NBPF6: variants seen among roughly 807,000 people sequenced by gnomAD.
NBPF6 encodes the protein NBPF member 6.
Under a neutral mutation model 20.8 loss-of-function variants are expected in NBPF6, and 2 were observed. That is an observed-to-expected ratio of 0.10 (90% CI 0.04 to 0.30). The LOEUF (loss-of-function observed/expected upper bound fraction) is 0.30. Ranked by LOEUF, NBPF6 falls within the 10% of genes least tolerant of loss-of-function variation. The probability of loss-of-function intolerance (pLI) is 1.00; values close to 1 mark genes in which losing one functional copy is unlikely to be tolerated. For synonymous variants in NBPF6, 24 were observed against 100.0 expected (o/e 0.24, Z 4.53); for missense variants, 85 against 260.3 (o/e 0.33, Z 4.63).
chr1:108,436,438 T>G, the NBPF6 span, among the ~76,000 whole-genome samples: 1 of 90,298 alleles, frequency 1.1e-5, no homozygotes, highest in Middle Eastern at 5.0e-3. Flanking sequence ...TGGTGAAACC[T>G]CGTCTCTACT....
At position 108,467,617 on chromosome 1, in the gene NBPF6, G is replaced by A. The variant is rs1373120885; in HGVS notation, c.1827G>A (p.Lys609=). The change falls in exon 14 of 15, where the codon AAG becomes AAA. Residue 609 remains lysine (K), a synonymous_variant. Coordinates refer to ENST00000495380, the MANE Select transcript of NBPF6 (RefSeq NM_001143988.2). ...TCAGAAGAAGACTCCCGTTCAGCAA[G>A]TGGAGACTGGCATTCAGATTCGCTG... ...KTIRRRLPFS[K]WRLAFRFAGP... is the part of the protein sequence containing the mutation. 6.5e-7 allele frequency: 1 copy of A among 1,549,650 alleles called. No individual in the cohort carries two copies. Among genetic ancestry groups the A allele is most frequent in the African/African-American group, 1.4e-5 (1 of 72,724 alleles).
chr1:108,448,632 C>A (rs1652713428), upstream of NBPF6, among the ~76,000 whole-genome samples: 1 of 105,216 alleles, frequency 9.5e-6, no homozygotes, highest in Non-Finnish European at 2.1e-5. Context: ...GATTTGCTAT[C>A]CCTCTTCTTC....
upstream of NBPF6, among the ~76,000 whole-genome samples, chr1:108,447,437 A>C (rs1454369089): frequency 6.9e-6 from 1 of 145,448 alleles, no homozygotes; most frequent in Non-Finnish European, 1.5e-5. Context: ...ATGGGTAAAC[A>C]AGGAACTCTT....
chr1:108,451,902 G>A (rs1205627502), intron 2 of NBPF6, among the ~76,000 whole-genome samples: 14 of 33,160 alleles, frequency 4.2e-4, no homozygotes, highest in African/African-American at 8.2e-4. Flanking sequence ...AGGATTCAGA[G>A]TCAGACCTCA....
At chr1:108,430,147 C>G in the NBPF6 span, among the ~76,000 whole-genome samples, 2 of 36,604 alleles carry the variant, frequency 5.5e-5, 1 homozygote, top group African/African-American at 1.1e-4. Flanking sequence ...AGGATTGCAA[C>G]CCCTGTTTTT....
chr1:108,436,613 AG>A, the NBPF6 span, among the ~76,000 whole-genome samples: 7 of 52,100 alleles, frequency 1.3e-4, no homozygotes, highest in East Asian at 9.8e-4. Flanking sequence ...AAAAAAAAAA[AG>A]AAAAGAAAAG....
chr1:108,438,436 A>G, the NBPF6 span, among the ~76,000 whole-genome samples: 3 of 100,120 alleles, frequency 3.0e-5, no homozygotes, highest in African/African-American at 9.5e-5. Context: ...TCTACTAAAA[A>G]TTAAAAAAAG....
At chr1:108,467,728 C>T (rs1480224460) in intron 14 of NBPF6, 63 bp downstream of exon 14, 7 of 1,537,114 alleles carry the variant, frequency 4.6e-6, no homozygotes, top group Middle Eastern at 1.7e-4. Flanking sequence ...GGTGACAGCT[C>T]ATTCTCTCAC....
Position 108,471,245 on chromosome 1 carries a change from A to G in NBPF6, c.*607A>G, listed in dbSNP as rs1466813001. On this transcript the variant is annotated 3_prime_UTR_variant, in exon 15 of 15. Coordinates refer to ENST00000495380, the MANE Select transcript of NBPF6 (RefSeq NM_001143988.2). The stretch of plus-strand genomic sequence containing the variant: ...TTTGTTGTTGTCATCGATGGTGGTG[A>G]CATGGACTTGTTTGTGGAGGACGGG... Among the ~76,000 whole-genome samples the G allele has an allele frequency of 6.6e-6, 1 of 152,218 alleles. No individual in the cohort carries two copies. Among genetic ancestry groups the G allele is most frequent in the Non-Finnish European group, 1.5e-5 (1 of 68,042 alleles).
upstream of NBPF6, among the ~76,000 whole-genome samples, chr1:108,448,063 A>C (rs530915915): frequency 3.2e-4 from 46 of 145,106 alleles, no homozygotes; most frequent in South Asian, 8.6e-4. Flanking sequence ...TTGTATCTAT[A>C]CATAAAATAT....
At chr1:108,435,051 C>G in the NBPF6 span, among the ~76,000 whole-genome samples, 2 of 96,550 alleles carry the variant, frequency 2.1e-5, 1 homozygote, top group East Asian at 6.4e-4. Flanking sequence ...TGTTTGTGAG[C>G]CATGTTTTAC....
upstream of NBPF6, among the ~76,000 whole-genome samples, chr1:108,449,458 A>C (rs1298154626): frequency 2.1e-4 from 2 of 9,648 alleles, no homozygotes; most frequent in African/African-American, 3.0e-4. Flanking sequence ...ATATATATAT[A>C]TATCTCCAAC....
At chr1:108,448,076 G>A (rs879992966), upstream of NBPF6, among the ~76,000 whole-genome samples, 5 of 143,550 alleles carry the variant, frequency 3.5e-5, no homozygotes, top group Non-Finnish European at 6.2e-5. Context: ...TAAAATATAT[G>A]TTGTATCTGA....
rs113460124 is a variant in NBPF6 at position 108,471,235 on chromosome 1, G to A, written c.*597G>A. Among the ~76,000 whole-genome samples, 18,434 of 152,222 alleles carry A rather than the reference G, an allele frequency of 0.12. 1,807 individuals carry two copies. The highest frequency in any genetic ancestry group is 0.26 in the African/African-American group (10,830 of 41,484). ...TCCTTATCTTTTTGTTGTTGTCATCGATGGTGGTGACATGGACTTGTTTGT... is the reference window on the plus strand; with the variant it reads ...TCCTTATCTTTTTGTTGTTGTCATCAATGGTGGTGACATGGACTTGTTTGT... On this transcript the variant is annotated 3_prime_UTR_variant, in exon 15 of 15. Coordinates refer to ENST00000495380, the MANE Select transcript of NBPF6 (RefSeq NM_001143988.2).
chr1:108,436,610 A>AG, the NBPF6 span, among the ~76,000 whole-genome samples: 1 of 55,760 alleles, frequency 1.8e-5, no homozygotes, highest in Non-Finnish European at 4.7e-5. Flanking sequence ...AAAAAAAAAA[A>AG]AAAGAAAAGA....
intron 14 of NBPF6, among the ~76,000 whole-genome samples, chr1:108,467,904 C>G (rs1653229798): frequency 6.6e-6 from 1 of 150,514 alleles, no homozygotes; most frequent in Non-Finnish European, 1.5e-5. Flanking sequence ...GAGAGTCCCT[C>G]TCATGGCCAC....
chr1:108,459,737 ATC>A (rs1242715852), intron 9 of NBPF6, among the ~76,000 whole-genome samples, 194 bp from the exon 10 acceptor site: 4 of 49,426 alleles, frequency 8.1e-5, no homozygotes, highest in East Asian at 5.0e-4. Context: ...TCTCTCTCTC[ATC>A]TCTCTCTTTC....
intron 2 of NBPF6, among the ~76,000 whole-genome samples, chr1:108,451,532 C>T (rs1264703986): frequency 7.1e-6 from 1 of 141,700 alleles, no homozygotes; most frequent in African/African-American, 2.5e-5. Flanking sequence ...ATACCTACCT[C>T]TGTAAATTAC....
chr1:108,437,792 G>A, the NBPF6 span, among the ~76,000 whole-genome samples: 1 of 34,790 alleles, frequency 2.9e-5, no homozygotes, highest in Non-Finnish European at 7.5e-5. Context: ...GGGAGAGAGG[G>A]AGGGAGGGGA....
Sources: gnomAD v4.1 joint callset for allele counts (sites outside exome capture counted in the v4.1 genomes callset) on GRCh38, gnomAD v4.1.1 for gene constraint, MANE v1.5 for transcripts, NCBI Gene and HGNC (gene_info 2026-07-23, HGNC 2026-07-21) for gene names.